AK8: variants seen among roughly 807,000 people sequenced by gnomAD.
AK8 encodes the protein adenylate kinase 8, also known as ATP-AMP transphosphorylase 8.
A neutral mutation model predicts 54.6 loss-of-function variants in AK8; 44 were observed. The observed-to-expected ratio is 0.81, with a 90% CI of 0.63 to 1.04. The LOEUF (loss-of-function observed/expected upper bound fraction) is 1.04. Among genes scored for constraint, AK8 ranks in the 50% least tolerant of loss-of-function variants. The pLI is 0.00. For synonymous variants in AK8, 239 were observed against 245.6 expected (o/e 0.97, Z 0.25); for missense variants, 555 against 613.6 (o/e 0.90, Z 1.01).
chr9:132,726,558 A>G (rs763233624), intron 12 of AK8, among the ~76,000 whole-genome samples: 14 of 152,114 alleles, frequency 9.2e-5, no homozygotes, highest in Non-Finnish European at 1.6e-4. Context: ...GTGAGCCACC[A>G]TGCCCGGCCT....
At chr9:132,852,769 CAAA>C (rs35786801) in intron 5 of AK8, among the ~76,000 whole-genome samples, 3 of 16,422 alleles carry the variant, frequency 1.8e-4, no homozygotes, top group Non-Finnish European at 2.5e-4. Flanking sequence ...GATTAGGTCT[CAAA>C]AAAAAAAAAA....
chr9:132,759,412 T>C (rs998007329), intron 11 of AK8, among the ~76,000 whole-genome samples: 6 of 152,222 alleles, frequency 3.9e-5, no homozygotes, highest in African/African-American at 1.4e-4. Flanking sequence ...TTCAGATGAA[T>C]GCCTTTGGCT....
chr9:132,762,025 A>G (rs1293598018), intron 11 of AK8, among the ~76,000 whole-genome samples: 1 of 152,110 alleles, frequency 6.6e-6, no homozygotes, highest in East Asian at 1.9e-4. Context: ...GCATGCCACC[A>G]TACCTGGCTA....
intron 2 of AK8, among the ~76,000 whole-genome samples, chr9:132,867,257 T>C (rs1396998249): frequency 6.6e-6 from 1 of 152,224 alleles, no homozygotes; most frequent in African/African-American, 2.4e-5. Flanking sequence ...CAAAGCATTT[T>C]AAACAGGGAC....
chr9:132,834,037 A>G (rs1301786969), intron 5 of AK8, among the ~76,000 whole-genome samples: 2 of 152,214 alleles, frequency 1.3e-5, no homozygotes, highest in African/African-American at 4.8e-5. Flanking sequence ...CACCGGAGGC[A>G]TTCCCTGGAG....
chr9:132,804,912 C>T (rs1187898253), intron 10 of AK8, among the ~76,000 whole-genome samples: 3 of 152,208 alleles, frequency 2.0e-5, no homozygotes, highest in Non-Finnish European at 2.9e-5. Context: ...CTGCAGGCCC[C>T]GCTCACAGCC....
intron 11 of AK8, among the ~76,000 whole-genome samples, chr9:132,734,385 C>T (rs1191278690): frequency 6.6e-6 from 1 of 152,146 alleles, no homozygotes; most frequent in Non-Finnish European, 1.5e-5. Flanking sequence ...GAGGCCTGGG[C>T]ACCACTCCCG....
At chr9:132,823,472 A>T (rs1841741320) in intron 8 of AK8, 136 bp from the exon 9 acceptor site, 1 of 1,262,638 alleles carries the variant, frequency 7.9e-7, no homozygotes, top group Non-Finnish European at 1.1e-6. Flanking sequence ...CCCTCTGTGC[A>T]TCTGGCGAAG....
At chr9:132,878,362 G>A (rs1844253368), upstream of AK8, 2 of 1,253,344 alleles carry the variant, frequency 1.6e-6, no homozygotes, top group African/African-American at 1.6e-5. This position sits in a 1 kb window ranked among gnomAD's most constrained non-coding sequence, Gnocchi z 4.7. Context: ...TCCGCGCCGG[G>A]CCCAGATACC....
At chr9:132,728,233 C>T (rs867675756) in intron 11 of AK8, among the ~76,000 whole-genome samples, 3 of 152,324 alleles carry the variant, frequency 2.0e-5, no homozygotes, top group Non-Finnish European at 2.9e-5. Flanking sequence ...GGGACAGATG[C>T]GGGACAGCAG....
At chr9:132,846,842 C>T (rs1018184426) in intron 5 of AK8, among the ~76,000 whole-genome samples, 2 of 152,348 alleles carry the variant, frequency 1.3e-5, no homozygotes, top group South Asian at 2.1e-4. Flanking sequence ...TGGCTCTGGG[C>T]GTGCCTCAGG....
rs774112171 is a variant in AK8, at chr9:132,799,101, C to T, written c.980-6326G>A. On this transcript the variant is annotated intron_variant, in intron 10 of 12. Transcript: ENST00000298545. The surrounding 1 kb of genome is among the most constrained non-coding windows in gnomAD (Gnocchi z 5.0). ...TGATGGGTGTGAGTAGGGAAGGGCT[C>T]GGAGAGAGCACCCAGGCCAGCTTGC... Among the ~76,000 whole-genome samples, 6 of 152,170 alleles carry T rather than the reference C, an allele frequency of 3.9e-5. No individual in the cohort carries two copies. Among genetic ancestry groups the T allele is most frequent in the Non-Finnish European group, 7.4e-5 (5 of 68,022 alleles).
intron 11 of AK8, among the ~76,000 whole-genome samples, chr9:132,738,431 T>TA (rs1837218613): frequency 6.6e-6 from 1 of 152,280 alleles, no homozygotes; most frequent in South Asian, 2.1e-4. Context: ...TTTTTTAATT[T>TA]AAAAAAGTTT....
In AK8 at chr9:132,803,231, A is replaced by G. The variant is rs1224669295; in HGVS notation, c.980-10456T>C. Among the ~76,000 whole-genome samples, 1 of 152,160 alleles carries G rather than the reference A, an allele frequency of 6.6e-6. No individual in the cohort carries two copies. The highest frequency in any genetic ancestry group is 1.9e-4 in the East Asian group (1 of 5,194). On this transcript the variant is annotated intron_variant, in intron 10 of 12. Coordinates refer to ENST00000298545, the MANE Select transcript of AK8 (RefSeq NM_152572.3). This position sits in a 1 kb window ranked among gnomAD's most constrained non-coding sequence, Gnocchi z 4.4. ...TCCCATGACACGTGAGGATTATGGGAACTACAGTTCAAGATGAGATTTGGG... is the reference window on the plus strand; with the variant it reads ...TCCCATGACACGTGAGGATTATGGGGACTACAGTTCAAGATGAGATTTGGG...
Position 132,814,997 on chromosome 9 carries a change from G to A in AK8, c.890-270C>T, listed in dbSNP as rs563991484. ...TGGACGGCGTGGGGAAGACACTAAC[G>A]AGGATGTTGCCCACAGAGGAGCCCT... On this transcript the variant is annotated intron_variant, in intron 9 of 12. Coordinates refer to ENST00000298545, the MANE Select transcript of AK8 (RefSeq NM_152572.3). Among the ~76,000 whole-genome samples the A allele has an allele frequency of 3.9e-5, 6 of 152,346 alleles. No individual in the cohort carries two copies. The South Asian group carries it at 6.2e-4, about 16-fold the overall frequency.
Position 132,770,778 on chromosome 9 carries a change from C to T in AK8, c.1121+21856G>A, listed in dbSNP as rs1027583519. Reference sequence around the variant, plus strand: ...CCTGTTGACCCCCATTCCCCCTCCCCTGGATCCAGGAACCCAGTGGGCTCT... The same window carrying T: ...CCTGTTGACCCCCATTCCCCCTCCCTTGGATCCAGGAACCCAGTGGGCTCT... On this transcript the variant is annotated intron_variant, in intron 11 of 12. Coordinates refer to ENST00000298545, the MANE Select transcript of AK8 (RefSeq NM_152572.3). The surrounding 1 kb of genome is among the most constrained non-coding windows in gnomAD (Gnocchi z 4.3). 1.3e-5 allele frequency among the ~76,000 whole-genome samples: 2 copies of T among 152,202 alleles called. No individual in the cohort carries two copies. The highest frequency in any genetic ancestry group is 2.9e-5 in the Non-Finnish European group (2 of 68,030).
intron 11 of AK8, among the ~76,000 whole-genome samples, chr9:132,756,946 T>TCC (rs145126343): frequency 6.6e-6 from 1 of 151,884 alleles, no homozygotes; most frequent in Non-Finnish European, 1.5e-5. Context: ...CAAAGCCATT[T>TCC]CCCCCCCAAA....
intron 11 of AK8, among the ~76,000 whole-genome samples, chr9:132,760,037 A>G (rs1206989971): frequency 6.6e-6 from 1 of 152,202 alleles, no homozygotes; most frequent in African/African-American, 2.4e-5. Context: ...TTATAATATT[A>G]GCGTCCCTAA....
intron 5 of AK8, among the ~76,000 whole-genome samples, chr9:132,852,481 G>A (rs1336701167): frequency 2.6e-5 from 4 of 151,884 alleles, no homozygotes; most frequent in Non-Finnish European, 5.9e-5. Flanking sequence ...GTGGTGGCAC[G>A]TGCCTGTAAT....
Sources: allele counts gnomAD v4.1 joint callset (sites outside exome capture counted in the v4.1 genomes callset), GRCh38; gene constraint gnomAD v4.1.1; non-coding constraint Gnocchi (gnomAD v3.1); transcripts MANE v1.5; gene names NCBI Gene and HGNC (gene_info 2026-07-23, HGNC 2026-07-21).